Variants in DPYD observed in about 807,000 individuals in gnomAD.
DPYD encodes the protein dihydropyrimidine dehydrogenase.
In DPYD, 109 loss-of-function variants were observed where a neutral mutation model predicts 116.2. That is an observed-to-expected ratio of 0.94 (90% CI 0.80 to 1.10). DPYD has a LOEUF of 1.10. Among genes scored for constraint, DPYD ranks in the 50% least tolerant of loss-of-function variants. The pLI, the probability that DPYD is intolerant of heterozygous loss-of-function variation, is 0.00. For synonymous variants in DPYD, 440 were observed against 432.0 expected (o/e 1.02, Z -0.23); for missense variants, 1,302 against 1,254.5 (o/e 1.04, Z -0.57).
intron 16 of DPYD, among the ~76,000 whole-genome samples, chr1:97,330,723 T>C (rs527666524): frequency 6.6e-6 from 1 of 152,310 alleles, no homozygotes; most frequent in South Asian, 2.1e-4. Flanking sequence ...AAGTCACAGT[T>C]AACTCCGTAT....
In DPYD at chr1:97,122,644, G is replaced by A. The variant is rs377709307; in HGVS notation, c.2623-24012C>T. 2.0e-4 allele frequency among the ~76,000 whole-genome samples: 30 copies of A among 151,896 alleles called. No individual in the cohort carries two copies. In the South Asian group the frequency reaches 3.8e-3, roughly 19 times the overall value. On this transcript the variant is annotated intron_variant, in intron 20 of 22. Coordinates refer to ENST00000370192, the MANE Select transcript of DPYD (RefSeq NM_000110.4). ...TCATCTTATTTCCTCATATATGTAC[G>A]CAGATAATTACCACATGGCATTGCG...
chr1:97,215,906 C>T (rs962390485), intron 19 of DPYD, among the ~76,000 whole-genome samples: 1 of 152,138 alleles, frequency 6.6e-6, no homozygotes, highest in Non-Finnish European at 1.5e-5. Context: ...AACAAAGGGT[C>T]ATTTGTGTCA....
intron 19 of DPYD, among the ~76,000 whole-genome samples, chr1:97,230,845 A>G (rs1184889433): frequency 6.6e-6 from 1 of 152,162 alleles, no homozygotes; most frequent in Non-Finnish European, 1.5e-5. Flanking sequence ...GGCTCACAAA[A>G]GAGAGATGGC....
chr1:97,461,150 TC>T, intron 13 of DPYD, among the ~76,000 whole-genome samples: 1 of 152,226 alleles, frequency 6.6e-6, no homozygotes, highest in Middle Eastern at 3.4e-3. Context: ...TCAGTTCAGT[TC>T]CTTCTTTCAC....
At chr1:97,365,773 G>A (rs1406540444) in intron 16 of DPYD, among the ~76,000 whole-genome samples, 1 of 152,086 alleles carries the variant, frequency 6.6e-6, no homozygotes, top group Non-Finnish European at 1.5e-5. Context: ...AAACACAGGT[G>A]CACACCACCA....
At chr1:97,686,939 A>G (rs2100937535) in intron 7 of DPYD, among the ~76,000 whole-genome samples, 1 of 152,166 alleles carries the variant, frequency 6.6e-6, no homozygotes, top group South Asian at 2.1e-4. Flanking sequence ...CAAGGAACTT[A>G]AACAAATTTA....
intron 18 of DPYD, among the ~76,000 whole-genome samples, chr1:97,304,360 T>G (rs966037454): frequency 6.6e-6 from 1 of 152,030 alleles, no homozygotes; most frequent in African/African-American, 2.4e-5. Context: ...TCAGCCTTCT[T>G]CTTTCTGACA....
At chr1:97,162,633 T>G (rs530193958) in intron 20 of DPYD, among the ~76,000 whole-genome samples, 52 of 151,866 alleles carry the variant, frequency 3.4e-4, no homozygotes, top group African/African-American at 1.2e-3. Flanking sequence ...AAAACTACTT[T>G]AAAGTTCATA....
At chr1:97,421,337 T>C (rs1674569090) in intron 14 of DPYD, among the ~76,000 whole-genome samples, 1 of 152,184 alleles carries the variant, frequency 6.6e-6, no homozygotes, top group Non-Finnish European at 1.5e-5. Flanking sequence ...AGAGATTAAC[T>C]ATTTGCATGA....
At chr1:97,779,356 AT>A (rs1162212138) in intron 3 of DPYD, among the ~76,000 whole-genome samples, 1 of 152,034 alleles carries the variant, frequency 6.6e-6, no homozygotes, top group Non-Finnish European at 1.5e-5. Context: ...AATAGCTTAG[AT>A]TTGAAGAAAG....
intron 14 of DPYD, among the ~76,000 whole-genome samples, chr1:97,423,088 G>A (rs1325226460): frequency 1.3e-5 from 2 of 151,910 alleles, no homozygotes; most frequent in Non-Finnish European, 2.9e-5. Context: ...TAATGACTGA[G>A]CAGGGAATGG....
At chr1:97,590,652 T>C (rs1342229159) in intron 10 of DPYD, among the ~76,000 whole-genome samples, 1 of 152,240 alleles carries the variant, frequency 6.6e-6, no homozygotes, top group Middle Eastern at 3.2e-3. Context: ...TAAGCTCTAC[T>C]GCAGGCAGGT....
intron 13 of DPYD, among the ~76,000 whole-genome samples, chr1:97,509,875 C>A (rs556677203): frequency 1.3e-5 from 2 of 151,920 alleles, no homozygotes; most frequent in Non-Finnish European, 2.9e-5. Context: ...TAAAAGAAAT[C>A]TGTTTAAAAA....
intron 8 of DPYD, among the ~76,000 whole-genome samples, chr1:97,656,966 ATTTTTT>A (rs71590230): frequency 3.4e-5 from 4 of 116,518 alleles, no homozygotes; most frequent in African/African-American, 6.6e-5. Context: ...GCATGATTGT[ATTTTTT>A]TTTTTTTTTT....
intron 3 of DPYD, among the ~76,000 whole-genome samples, chr1:97,751,643 T>G (rs1664932633): frequency 6.6e-6 from 1 of 151,074 alleles, no homozygotes; most frequent in South Asian, 2.1e-4. Flanking sequence ...TGTATGATGG[T>G]CTCTACTTTA....
At position 97,874,199 on chromosome 1, in the gene DPYD, C is replaced by T. The variant is rs145030418; in HGVS notation, c.150+9065G>A. Among the ~76,000 whole-genome samples the T allele has an allele frequency of 7.0e-3, 1,057 of 151,942 alleles. 10 individuals carry two copies. The highest frequency in any genetic ancestry group is 0.012 in the Non-Finnish European group (796 of 67,884). The stretch of plus-strand genomic sequence containing the variant: ...AGCTAAATCCTTTGTTAGATGCACT[C>T]CCTACATCATAGAACTTCAGAAAAA... On this transcript the variant is annotated intron_variant, in intron 2 of 22. Coordinates refer to ENST00000370192, the MANE Select transcript of DPYD (RefSeq NM_000110.4).
chr1:97,823,687 T>C (rs1027934573), intron 3 of DPYD, among the ~76,000 whole-genome samples: 1 of 152,076 alleles, frequency 6.6e-6, no homozygotes, highest in Non-Finnish European at 1.5e-5. Flanking sequence ...TTTTTATTAT[T>C]GGAATCAAAG....
chr1:97,559,707 A>C (rs2102128361), intron 11 of DPYD, among the ~76,000 whole-genome samples: 1 of 152,222 alleles, frequency 6.6e-6, no homozygotes, highest in Admixed American at 6.5e-5. Context: ...ACACAGTAGA[A>C]TTTTGTTTAA....
chr1:97,305,864 C>T (rs758875841), intron 17 of DPYD, among the ~76,000 whole-genome samples: 10 of 151,756 alleles, frequency 6.6e-5, no homozygotes, highest in East Asian at 1.9e-4. Context: ...TGAATTGTTA[C>T]ATTATGAGGT....
Sources: allele counts gnomAD v4.1 joint callset (sites outside exome capture counted in the v4.1 genomes callset), GRCh38; gene constraint gnomAD v4.1.1; transcripts MANE v1.5; gene names NCBI Gene and HGNC (gene_info 2026-07-23, HGNC 2026-07-21).